Variants in CFAP74 observed in about 807,000 individuals in gnomAD.
CFAP74 encodes the protein cilia and flagella associated protein 74.
CFAP74 carries 124 observed loss-of-function variants against 188.9 expected under a neutral mutation model. The ratio of observed to expected loss-of-function variants is 0.66; its 90% CI spans 0.57 to 0.76. CFAP74 has a LOEUF of 0.76. CFAP74 is among the 30% of genes least tolerant of loss of function. The pLI, the probability that CFAP74 is intolerant of heterozygous loss-of-function variation, is 0.00. For synonymous variants in CFAP74, 956 were observed against 916.7 expected (o/e 1.04, Z -0.77); for missense variants, 2,198 against 2,165.2 (o/e 1.02, Z -0.30).
At chr1:1,989,757 G>A (rs1322121093) in intron 2 of CFAP74, among the ~76,000 whole-genome samples, 5 of 152,180 alleles carry the variant, frequency 3.3e-5, no homozygotes, top group Admixed American at 6.5e-5. Flanking sequence ...CACCACACCC[G>A]GCCCGTGTTA....
At chr1:1,983,269 G>A (rs1031943658) in intron 6 of CFAP74, among the ~76,000 whole-genome samples, 5 of 152,238 alleles carry the variant, frequency 3.3e-5, no homozygotes, top group Admixed American at 2.0e-4. Context: ...GCCAGCGCTC[G>A]TGTGAAAGGG....
Position 1,968,391 on chromosome 1 carries a change from G to C in CFAP74, c.1245+244C>G, listed in dbSNP as rs1655631060. 6.6e-6 allele frequency among the ~76,000 whole-genome samples: 1 copy of C among 152,088 alleles called. No individual in the cohort carries two copies. The highest frequency in any genetic ancestry group is 2.1e-4 in the South Asian group (1 of 4,826). On this transcript the variant is annotated intron_variant, in intron 11 of 38. Transcript: ENST00000682832. The surrounding 1 kb of genome is among the most constrained non-coding windows in gnomAD (Gnocchi z 4.3). The stretch of plus-strand genomic sequence containing the variant: ...GGGTCTGGTGGGCACACCGAGACCA[G>C]GAGGACACTGGACCCTTGCTGGGGA...
intron 37 of CFAP74, 128 bp downstream of exon 37, chr1:1,922,857 G>T: frequency 6.7e-7 from 1 of 1,481,774 alleles, no homozygotes; most frequent in Admixed American, 2.2e-5. Context: ...GCTGCCACAG[G>T]AAGTCCGAGA....
intron 6 of CFAP74, among the ~76,000 whole-genome samples, chr1:1,979,828 G>A (rs1159895255): frequency 8.9e-6 from 1 of 112,064 alleles, no homozygotes; most frequent in Non-Finnish European, 1.9e-5. Flanking sequence ...ACACGCGTGT[G>A]GTACTGACCT....
Position 1,922,985 on chromosome 1 carries a change from C to G in CFAP74, c.4683G>C (p.Lys1561Asn). ...TCCCCAGGGGCAGTGCTGTGGGCAC[C>G]TTCTTTGGAGATGGCTGGGTGGTCC... is the stretch of plus-strand genomic sequence containing the variant. ...CIRTTQPSPKKTVEFSIDSVA... is the reference protein window; with the variant it reads ...CIRTTQPSPKNTVEFSIDSVA... Residue 1561 changes from lysine to asparagine, a missense_variant and splice_region_variant, in exon 37 of 39, where the codon AAG (lysine) becomes AAC (asparagine). By Grantham distance (94) the Lys-to-Asn change is moderately conservative. Transcript: ENST00000682832. 1 of 1,576,804 alleles carries G rather than the reference C, an allele frequency of 6.3e-7. No individual in the cohort carries two copies. The highest frequency in any genetic ancestry group is 8.6e-7 in the Non-Finnish European group (1 of 1,164,612).
At chr1:1,930,779 C>T (rs941540892) in intron 25 of CFAP74, among the ~76,000 whole-genome samples, 1 of 152,172 alleles carries the variant, frequency 6.6e-6, no homozygotes, top group Non-Finnish European at 1.5e-5. Context: ...AAGGAAATTT[C>T]TAGCTTATTT....
At chr1:1,922,915 G>A (rs1284007523) in intron 37 of CFAP74, 70 bp downstream of exon 37, 15 of 1,517,274 alleles carry the variant, frequency 9.9e-6, no homozygotes, top group Non-Finnish European at 1.2e-5. Context: ...GGCCAGGAGG[G>A]TCAGGGCTGC....
At position 1,968,904 on chromosome 1, in the gene CFAP74, C is replaced by A; in HGVS notation, c.1047-71G>T. On this transcript the variant is annotated intron_variant, in intron 10 of 38. Transcript: ENST00000682832. This position sits in a 1 kb window ranked among gnomAD's most constrained non-coding sequence, Gnocchi z 4.3. The stretch of plus-strand genomic sequence containing the variant: ...CCACCTTGCCCCAGATGAGACAGTG[C>A]CCGGCGGCCCCTCCCTAGCGCCCTC... 2.1e-6 allele frequency: 3 copies of A among 1,436,130 alleles called. No homozygotes were observed. The highest frequency in any genetic ancestry group is 2.9e-6 in the Non-Finnish European group (3 of 1,037,400). The allele number at this position is 1,436,130 out of a possible 1,614,324, so 89.0% of individuals were successfully genotyped here.
chr1:1,999,034 ATGTG>A (rs1403006826), intron 1 of CFAP74, among the ~76,000 whole-genome samples: 1 of 152,168 alleles, frequency 6.6e-6, no homozygotes, highest in African/African-American at 2.4e-5. Flanking sequence ...CCCAACAGAA[ATGTG>A]TGTGTGTGTC....
chr1:1,950,007 G>T (rs914197681), intron 18 of CFAP74, among the ~76,000 whole-genome samples: 1 of 152,094 alleles, frequency 6.6e-6, no homozygotes, highest in African/African-American at 2.4e-5. Flanking sequence ...GGGAATTTAA[G>T]TTTTCGCTTC....
intron 1 of CFAP74, among the ~76,000 whole-genome samples, chr1:1,998,531 CT>C (rs1211687014): frequency 6.6e-6 from 1 of 152,116 alleles, no homozygotes; most frequent in African/African-American, 2.4e-5. Context: ...ATTCTCTTTA[CT>C]TTTTTGACTT....
At position 1,952,326 on chromosome 1, in the gene CFAP74, G is replaced by A. The variant is rs367759734; in HGVS notation, c.2176+3365C>T. Among the ~76,000 whole-genome samples, 192 of 150,118 alleles carry A rather than the reference G, an allele frequency of 1.3e-3. 1 individual carries two copies. The highest frequency in any genetic ancestry group is 4.5e-3 in the African/African-American group (185 of 40,720). On this transcript the variant is annotated intron_variant, in intron 18 of 38. Transcript: ENST00000682832. ...ATGAGTAGAGAAGAAAATAAAGGAAGAGGATAAAAGGCTAGAGTATAAAAT... is the reference window on the plus strand; with the variant it reads ...ATGAGTAGAGAAGAAAATAAAGGAAAAGGATAAAAGGCTAGAGTATAAAAT...
chr1:1,995,456 C>T (rs1657869141), intron 1 of CFAP74, among the ~76,000 whole-genome samples: 1 of 150,490 alleles, frequency 6.6e-6, no homozygotes, highest in Non-Finnish European at 1.5e-5. Context: ...CATACCACTG[C>T]ACTCCAGCCT....
intron 1 of CFAP74, among the ~76,000 whole-genome samples, chr1:1,999,619 C>G (rs533168860): frequency 1.1e-4 from 16 of 151,656 alleles, no homozygotes; most frequent in African/African-American, 3.4e-4. Context: ...GAGTTCGAGA[C>G]CAGCCTGGCC....
rs1655480447 is a variant in CFAP74 at position 1,966,474 on chromosome 1, G to T, written c.1298C>A (p.Ser433Tyr). 1 of 1,602,506 alleles carries T rather than the reference G, an allele frequency of 6.2e-7. No individual in the cohort carries two copies. The highest frequency in any genetic ancestry group is 1.3e-5 in the African/African-American group (1 of 74,480). Reference protein sequence around the residue: ...PGPSRLLEVVSSELIQGDPGA... With the variant: ...PGPSRLLEVVYSELIQGDPGA... The stretch of plus-strand genomic sequence containing the variant: ...GGGGTCCCCCTGGATAAGCTCACTG[G>T]AAACGACTTCCAGCAACCGAGAGGG... The change falls in exon 12 of 39, where the codon TCC (serine) becomes TAC (tyrosine). Residue 433 changes from serine to tyrosine, a missense_variant. Physicochemically the swap from Ser to Tyr is moderately radical, Grantham distance 144 (BLOSUM62 -2). Transcript: ENST00000682832.
In CFAP74 at chr1:1,973,066, G is replaced by T. The variant is rs773124651; in HGVS notation, c.675-19C>A. 6.3e-7 allele frequency: 1 copy of T among 1,577,676 alleles called. No individual in the cohort carries two copies. The highest frequency in any genetic ancestry group is 2.2e-5 in the East Asian group (1 of 44,592). On this transcript the variant is annotated intron_variant, in intron 7 of 38. Transcript: ENST00000682832. The surrounding 1 kb of genome is among the most constrained non-coding windows in gnomAD (Gnocchi z 6.2). ...GGACTTCCTGTGGGGATATGGGGCC[G>T]TCAGAGGGAAACTCGGCATCACACG...
At chr1:1,960,058 G>A (rs1158569837) in intron 14 of CFAP74, 28 bp from the exon 15 acceptor site, 8 of 1,586,116 alleles carry the variant, frequency 5.0e-6, no homozygotes, top group Non-Finnish European at 6.0e-6. Context: ...TAGCACACGG[G>A]GGTTAGTGCT....
chr1:1,988,514 C>T lies in CFAP74; in HGVS notation c.294G>A (p.Met98Ile), dbSNP rs1570984473. The change falls in exon 4 of 39, where the codon ATG (methionine) becomes ATA (isoleucine). Residue 98 changes from methionine to isoleucine, a missense_variant and splice_region_variant. Met to Ile is a conservative substitution (Grantham distance 10). Coordinates refer to ENST00000682832, the MANE Select transcript of CFAP74 (RefSeq NM_001304360.2). ...HEEQELFTEKMRGELRACRQR... is the reference protein window; with the variant it reads ...HEEQELFTEKIRGELRACRQR... ...CAGCGGCCTCAGCCCCAGCTCACCTCATCTTCTCAGTGAAAAGCTCTTGCT... is the reference window on the plus strand; with the variant it reads ...CAGCGGCCTCAGCCCCAGCTCACCTTATCTTCTCAGTGAAAAGCTCTTGCT... 1.2e-6 allele frequency: 2 copies of T among 1,611,616 alleles called. No individual in the cohort carries two copies. Among genetic ancestry groups the T allele is most frequent in the Non-Finnish European group, 1.7e-6 (2 of 1,180,004 alleles).
chr1:1,959,260 G>GT, intron 15 of CFAP74, 51 bp from the exon 16 acceptor site: 5 of 1,288,924 alleles, frequency 3.9e-6, no homozygotes, highest in African/African-American at 3.0e-5. Flanking sequence ...ACTTTTGTGT[G>GT]TTTTGTTTTT....
Sources: gnomAD v4.1 joint callset for allele counts (sites outside exome capture counted in the v4.1 genomes callset) on GRCh38, gnomAD v4.1.1 for gene constraint, Gnocchi (gnomAD v3.1) non-coding constraint, MANE v1.5 for transcripts, NCBI Gene and HGNC (gene_info 2026-07-23, HGNC 2026-07-21) for gene names.